Variants in XIRP2 observed in about 807,000 individuals in gnomAD.
XIRP2 encodes the protein xin actin-binding repeat-containing protein 2.
A neutral mutation model predicts 277.0 loss-of-function variants in XIRP2; 236 were observed. The observed-to-expected ratio is 0.85, with a 90% CI of 0.77 to 0.95. XIRP2 has a LOEUF of 0.95. XIRP2 is among the 40% of genes least tolerant of loss of function. XIRP2 has a pLI of 0.00. For synonymous variants in XIRP2, 1,490 were observed against 1,416.5 expected, an observed-to-expected ratio of 1.05 and a Z score of -1.17; for missense variants, 4,640 against 4,157.5, an observed-to-expected ratio of 1.12 and a Z score of -3.19.
chr2:166,953,723 C>T (rs760659529), intron 2 of XIRP2, among the ~76,000 whole-genome samples: 9 of 151,820 alleles, frequency 5.9e-5, no homozygotes, highest in South Asian at 2.1e-4. Flanking sequence ...TCTGGTGCAC[C>T]GTCACTTCCT....
chr2:167,092,079 C>T (rs1027311621), intron 2 of XIRP2, among the ~76,000 whole-genome samples: 2 of 152,100 alleles, frequency 1.3e-5, no homozygotes, highest in African/African-American at 2.4e-5. Flanking sequence ...CCTTAAGTAA[C>T]TTTTAAAACT....
intron 3 of XIRP2, chr2:167,187,306 T>C (rs1389893378): frequency 1.0e-6 from 1 of 985,200 alleles, no homozygotes; most frequent in Non-Finnish European, 1.2e-6. Flanking sequence ...TTCCTAAAAA[T>C]AGGTGCCAAG....
In XIRP2 at chr2:167,018,812, A is replaced by G. The variant is rs367974372; in HGVS notation, c.408+114922A>G. 1.1e-4 allele frequency among the ~76,000 whole-genome samples: 16 copies of G among 152,154 alleles called. No individual in the cohort carries two copies. The South Asian group carries it at 1.2e-3, about 12-fold the overall frequency. ...CTTAGTGTGCATTTCCACTGAATACACATCACCTCCCACTTGCCTTCCCTT... is the reference window on the plus strand; with the variant it reads ...CTTAGTGTGCATTTCCACTGAATACGCATCACCTCCCACTTGCCTTCCCTT... On this transcript the variant is annotated intron_variant, in intron 2 of 10. Transcript: ENST00000409195.
chr2:166,916,664 G>C (rs1181176016), intron 2 of XIRP2, among the ~76,000 whole-genome samples: 1 of 152,066 alleles, frequency 6.6e-6, no homozygotes, highest in Non-Finnish European at 1.5e-5. Flanking sequence ...TTTTTATAGA[G>C]CTGAAATGTA....
intron 2 of XIRP2, among the ~76,000 whole-genome samples, chr2:167,120,260 G>A (rs1691018384): frequency 6.6e-6 from 1 of 152,068 alleles, no homozygotes; most frequent in South Asian, 2.1e-4. Context: ...CTAGAGCTCT[G>A]CACTATTTCT....
At chr2:167,081,989 A>G (rs1445187357) in intron 2 of XIRP2, among the ~76,000 whole-genome samples, 2 of 151,072 alleles carry the variant, frequency 1.3e-5, no homozygotes, top group Non-Finnish European at 1.5e-5. Context: ...GTACATGTGC[A>G]CAGTGTGCAG....
At chr2:167,177,882 G>A (rs1411657208) in intron 3 of XIRP2, among the ~76,000 whole-genome samples, 2 of 151,980 alleles carry the variant, frequency 1.3e-5, no homozygotes, top group Non-Finnish European at 2.9e-5. Flanking sequence ...TGATTGCATC[G>A]TTTTTTCTAA....
chr2:166,928,719 A>T (rs1296716967), intron 2 of XIRP2, among the ~76,000 whole-genome samples: 1 of 152,156 alleles, frequency 6.6e-6, no homozygotes, highest in East Asian at 1.9e-4. Context: ...GGCTGTCTTT[A>T]AATAAATGCA....
intron 2 of XIRP2, among the ~76,000 whole-genome samples, chr2:167,006,951 G>A (rs1175908161): frequency 6.6e-6 from 1 of 151,464 alleles, no homozygotes; most frequent in Non-Finnish European, 1.5e-5. Flanking sequence ...AAAATCTATA[G>A]GAACAATGAA....
intron 2 of XIRP2, among the ~76,000 whole-genome samples, chr2:167,069,509 C>G (rs1275695287): frequency 6.6e-6 from 1 of 152,126 alleles, no homozygotes; most frequent in Non-Finnish European, 1.5e-5. Flanking sequence ...ATCAGAATTC[C>G]AGAATTTCCA....
chr2:167,031,107 C>G (rs1049951661), intron 2 of XIRP2, among the ~76,000 whole-genome samples: 2 of 150,748 alleles, frequency 1.3e-5, no homozygotes, highest in African/African-American at 4.9e-5. Context: ...TGAGATGGAT[C>G]TCCTGAATAC....
chr2:167,199,590 A>T (rs1167191891), intron 3 of XIRP2, among the ~76,000 whole-genome samples: 10 of 152,186 alleles, frequency 6.6e-5, no homozygotes, highest in Admixed American at 5.9e-4. Context: ...GAATTAAATC[A>T]CTTTCTGTGT....
intron 3 of XIRP2, among the ~76,000 whole-genome samples, chr2:167,174,393 G>T (rs73023997): frequency 0.099 from 15,042 of 152,072 alleles, 801 homozygotes; most frequent in South Asian, 0.15. Flanking sequence ...TTTTTTATTT[G>T]ATTTGCTGAG....
intron 2 of XIRP2, among the ~76,000 whole-genome samples, chr2:167,010,237 A>G (rs6755010): frequency 0.075 from 11,435 of 151,944 alleles, 802 homozygotes; most frequent in East Asian, 0.38. Flanking sequence ...ATCTTGAATT[A>G]ATTTTTGTAT....
rs779906727 is a variant in XIRP2 at position 167,250,341 on chromosome 2, C to G, written c.8949C>G (p.Ile2983Met). ...CATTTCAGACACTATTAAATACTAT[C>G]CCAGGATGGCTGATAAGTGAAGATA... ...LKTFQTLLNT[I>M]PGWLISEDKR... Residue 2983 changes from isoleucine to methionine, a missense_variant, in exon 9 of 11, where the codon ATC becomes ATG. Physicochemically the swap from Ile to Met is conservative, Grantham distance 10. Transcript: ENST00000409195. 3.1e-6 allele frequency: 5 copies of G among 1,613,406 alleles called. No individual in the cohort carries two copies. The highest frequency in any genetic ancestry group is 4.2e-6 in the Non-Finnish European group (5 of 1,179,694).
chr2:167,112,154 A>G (rs1690775915), intron 2 of XIRP2, among the ~76,000 whole-genome samples: 1 of 151,792 alleles, frequency 6.6e-6, no homozygotes, highest in Non-Finnish European at 1.5e-5. Context: ...TTTGTGTCTC[A>G]GTTTCATTCA....
At chr2:167,011,771 A>G (rs919601575) in intron 2 of XIRP2, among the ~76,000 whole-genome samples, 2 of 151,840 alleles carry the variant, frequency 1.3e-5, no homozygotes, top group African/African-American at 2.4e-5. Context: ...GTCTATTCAG[A>G]GATTCAACTT....
chr2:167,240,332 G>A (rs1187818631), intron 6 of XIRP2, among the ~76,000 whole-genome samples: 2 of 151,930 alleles, frequency 1.3e-5, no homozygotes, highest in Admixed American at 6.6e-5. Context: ...GGAGAATCAC[G>A]TGAACCCGGG....
chr2:167,074,721 C>T (rs1423376042), intron 2 of XIRP2, among the ~76,000 whole-genome samples: 1 of 151,940 alleles, frequency 6.6e-6, no homozygotes, highest in Non-Finnish European at 1.5e-5. Context: ...CTCACTGCAA[C>T]TTCCACCTCC....
Sources: gnomAD v4.1 joint callset for allele counts (sites outside exome capture counted in the v4.1 genomes callset) on GRCh38, gnomAD v4.1.1 for gene constraint, MANE v1.5 for transcripts, NCBI Gene and HGNC (gene_info 2026-07-23, HGNC 2026-07-21) for gene names.